MAPK4: variants seen among roughly 807,000 people sequenced by gnomAD.
MAPK4 encodes the protein mitogen-activated protein kinase 4.
In MAPK4, 22 loss-of-function variants were observed where a neutral mutation model predicts 47.7. The observed-to-expected ratio is 0.46, with a 90% CI of 0.33 to 0.66. The LOEUF (loss-of-function observed/expected upper bound fraction) is 0.66, where lower values mean the gene tolerates loss of function less well. MAPK4 is among the 30% of genes least tolerant of loss of function. The pLI is 0.02. For missense variants in MAPK4, 736 were observed against 831.7 expected (o/e 0.88, Z 1.42); for synonymous variants, 390 against 365.7 (o/e 1.07, Z -0.76).
intron 1 of MAPK4, among the ~76,000 whole-genome samples, chr18:50,597,044 C>T (rs1204254273): frequency 6.6e-6 from 1 of 152,176 alleles, no homozygotes; most frequent in African/African-American, 2.4e-5. Context: ...ATGACAATTG[C>T]ATTTACCCAT....
chr18:50,647,623 A>T (rs1451428957), intron 1 of MAPK4, among the ~76,000 whole-genome samples: 2 of 152,138 alleles, frequency 1.3e-5, no homozygotes, highest in African/African-American at 4.8e-5. Flanking sequence ...CTCCACTCCC[A>T]GCTTCTTTCG....
intron 1 of MAPK4, among the ~76,000 whole-genome samples, chr18:50,595,360 A>G (rs2042472654): frequency 6.6e-6 from 1 of 152,248 alleles, no homozygotes; most frequent in Non-Finnish European, 1.5e-5. Flanking sequence ...AATAATACTC[A>G]GCAATACAAA....
At chr18:50,698,979 C>G (rs752722395) in intron 2 of MAPK4, among the ~76,000 whole-genome samples, 37 of 151,892 alleles carry the variant, frequency 2.4e-4, no homozygotes, top group Non-Finnish European at 5.1e-4. Flanking sequence ...GAGTCAAGAT[C>G]GTGCCACTGC....
chr18:50,579,859 G>A (rs1451977060), intron 1 of MAPK4, among the ~76,000 whole-genome samples: 3 of 152,172 alleles, frequency 2.0e-5, no homozygotes, highest in African/African-American at 7.2e-5. Context: ...TGTTGGCTAG[G>A]GACAAGTGCA....
chr18:50,570,916 T>C (rs2917900), intron 1 of MAPK4, among the ~76,000 whole-genome samples: 151,777 of 152,310 alleles, frequency 1, 75,626 homozygotes, highest in East Asian at 1. Context: ...CCTCCATTGG[T>C]TTTTGGGGTG....
intron 3 of MAPK4, among the ~76,000 whole-genome samples, chr18:50,715,823 C>A (rs1910605547): frequency 6.6e-6 from 1 of 152,214 alleles, no homozygotes; most frequent in African/African-American, 2.4e-5. Context: ...CTTAGACACA[C>A]TTCTACTCAA....
intron 1 of MAPK4, among the ~76,000 whole-genome samples, chr18:50,608,928 A>C (rs1568043579): frequency 6.6e-6 from 1 of 151,870 alleles, no homozygotes; most frequent in Non-Finnish European, 1.5e-5. Context: ...ATGACTCTTA[A>C]CGAGCATGCT....
chr18:50,564,497 C>G (rs569164610), intron 1 of MAPK4, among the ~76,000 whole-genome samples: 1 of 152,294 alleles, frequency 6.6e-6, no homozygotes, highest in South Asian at 2.1e-4. Context: ...TTGACAACCA[C>G]TGTTCTAAGG....
chr18:50,671,456 T>G (rs1907943725), intron 2 of MAPK4, among the ~76,000 whole-genome samples: 1 of 152,234 alleles, frequency 6.6e-6, no homozygotes, highest in Non-Finnish European at 1.5e-5. Context: ...GATTGAGGGC[T>G]CAGCAAATTA....
chr18:50,661,040 G>T (rs548674044), intron 1 of MAPK4, among the ~76,000 whole-genome samples: 3 of 152,168 alleles, frequency 2.0e-5, no homozygotes, highest in Non-Finnish European at 4.4e-5. Context: ...AGCAAATCCT[G>T]CATTCAGCTT....
intron 1 of MAPK4, among the ~76,000 whole-genome samples, chr18:50,629,200 A>G (rs1396723328): frequency 6.6e-6 from 1 of 152,234 alleles, no homozygotes; most frequent in Non-Finnish European, 1.5e-5. Context: ...TTCTGAGAGC[A>G]GAAACCAGAG....
intron 1 of MAPK4, among the ~76,000 whole-genome samples, chr18:50,645,945 T>C (rs1390762806): frequency 6.6e-6 from 1 of 152,252 alleles, no homozygotes; most frequent in Non-Finnish European, 1.5e-5. Flanking sequence ...TATTACTGTC[T>C]AGTTTGGAAG....
chr18:50,576,299 A>C (rs1186631544), intron 1 of MAPK4, among the ~76,000 whole-genome samples: 2 of 152,248 alleles, frequency 1.3e-5, no homozygotes, highest in Admixed American at 6.5e-5. Flanking sequence ...ATGGAACACT[A>C]TGCAGCCATA....
At chr18:50,622,944 C>T (rs1381248124) in intron 1 of MAPK4, among the ~76,000 whole-genome samples, 1 of 152,218 alleles carries the variant, frequency 6.6e-6, no homozygotes, top group African/African-American at 2.4e-5. Context: ...ATTTCACATA[C>T]TCTTTCCAAA....
chr18:50,583,713 G>A (rs1472337188), intron 1 of MAPK4, among the ~76,000 whole-genome samples: 4 of 152,204 alleles, frequency 2.6e-5, no homozygotes, highest in Non-Finnish European at 5.9e-5. Context: ...GCTTTAAACT[G>A]TCTTTGGATT....
At chr18:50,575,482 G>T (rs1012035845) in intron 1 of MAPK4, among the ~76,000 whole-genome samples, 1 of 152,128 alleles carries the variant, frequency 6.6e-6, no homozygotes, top group Non-Finnish European at 1.5e-5. Flanking sequence ...AGCTGGAAAG[G>T]CTTATTTTTT....
rs367914884 is a variant in MAPK4 at position 50,664,066 on chromosome 18, G to A, written c.108G>A (p.Ser36=). Residue 36 remains serine, a synonymous_variant, in exon 2 of 6, where the codon TCG becomes TCA. Transcript: ENST00000400384. The surrounding 1 kb of genome is among the most constrained non-coding windows in gnomAD (Gnocchi z 6.0). ...LGFGVNGLVL[S]AVDSRACRKV... is the part of the protein sequence containing the mutation. ...TCGGTGTCAATGGTTTGGTGCTGTC[G>A]GCCGTGGACAGCCGGGCCTGCCGGA... 54 of 1,613,748 alleles carry A rather than the reference G, an allele frequency of 3.3e-5. No homozygotes were observed. Among genetic ancestry groups the A allele is most frequent in the South Asian group, 6.6e-5 (6 of 91,078 alleles).
chr18:50,681,277 A>G (rs1391073766), intron 2 of MAPK4, among the ~76,000 whole-genome samples: 1 of 152,216 alleles, frequency 6.6e-6, no homozygotes, highest in African/African-American at 2.4e-5. Context: ...GAATTATAAA[A>G]GTTTTTTAAA....
chr18:50,706,786 A>C (rs1910080839), intron 2 of MAPK4, among the ~76,000 whole-genome samples: 1 of 152,102 alleles, frequency 6.6e-6, no homozygotes, highest in South Asian at 2.1e-4. Context: ...AAGCAGCCCA[A>C]CCAAATCATC....
Sources: allele counts gnomAD v4.1 joint callset (sites outside exome capture counted in the v4.1 genomes callset), GRCh38; gene constraint gnomAD v4.1.1; non-coding constraint Gnocchi (gnomAD v3.1); transcripts MANE v1.5; gene names NCBI Gene and HGNC (gene_info 2026-07-23, HGNC 2026-07-21).